Variants in LRRC4C observed in about 807,000 individuals in gnomAD.
LRRC4C encodes leucine-rich repeat-containing protein 4C.
LRRC4C carries 5 observed loss-of-function variants against 33.6 expected under a neutral mutation model. That is an observed-to-expected ratio of 0.15 (90% CI 0.08 to 0.31). The LOEUF is 0.31. LRRC4C is among the 10% of genes least tolerant of loss of function. The probability of loss-of-function intolerance (pLI) is 1.00; values close to 1 mark genes in which losing one functional copy is unlikely to be tolerated. For synonymous variants in LRRC4C, 329 were observed against 302.0 expected (o/e 1.09, Z -0.93); for missense variants, 560 against 796.7 (o/e 0.70, Z 3.58).
chr11:40,937,586 T>C (rs540177091), intron 1 of LRRC4C, among the ~76,000 whole-genome samples: 1 of 150,868 alleles, frequency 6.6e-6, no homozygotes, highest in South Asian at 2.1e-4. Context: ...TAATTCACTC[T>C]TCTTGAGTGT....
At chr11:40,615,243 T>TATATATATATATAG (rs1299982876) in intron 3 of LRRC4C, among the ~76,000 whole-genome samples, 1 of 77,588 alleles carries the variant, frequency 1.3e-5, no homozygotes, top group Non-Finnish European at 3.0e-5. Context: ...TTATTTTATA[T>TATATATATATATAG]ATATATATAT....
chr11:40,998,426 A>G (rs1014294198), intron 1 of LRRC4C, among the ~76,000 whole-genome samples: 3 of 152,134 alleles, frequency 2.0e-5, no homozygotes, highest in African/African-American at 7.2e-5. Flanking sequence ...AAAAAATCTC[A>G]GACTGTAAAA....
chr11:41,096,752 A>G (rs1940834067), intron 1 of LRRC4C, among the ~76,000 whole-genome samples: 2 of 152,130 alleles, frequency 1.3e-5, no homozygotes, highest in African/African-American at 2.4e-5. Flanking sequence ...GAGTGTTAGA[A>G]AGAGGTTGTA....
chr11:41,286,810 G>GCAAGGAGGAGGAGGA (rs1949843808), intron 1 of LRRC4C, among the ~76,000 whole-genome samples: 2 of 152,002 alleles, frequency 1.3e-5, no homozygotes, highest in Non-Finnish European at 2.9e-5. Flanking sequence ...GGAAGAGGAG[G>GCAAGGAGGAGGAGGA]CAAGGAGGAG....
rs1456422426 is a variant in LRRC4C at position 40,743,991 on chromosome 11, G to C, written c.-406-95713C>G. Among the ~76,000 whole-genome samples the C allele has an allele frequency of 3.3e-5, 5 of 152,140 alleles. No homozygotes were observed. The South Asian group carries it at 1.0e-3, about 32-fold the overall frequency. On this transcript the variant is annotated intron_variant, in intron 2 of 6. Coordinates refer to ENST00000528697, the MANE Select transcript of LRRC4C (RefSeq NM_001258419.2). ...TCTGTATAAAGCATCATTTTCTCAG[G>C]AAAGCCTGCACTAACCCCAAATCTC...
chr11:41,055,922 T>C (rs1038970523), intron 1 of LRRC4C, among the ~76,000 whole-genome samples: 2 of 152,122 alleles, frequency 1.3e-5, no homozygotes, highest in African/African-American at 4.8e-5. Context: ...AAAAATAAGG[T>C]TGAAGATTTT....
chr11:40,161,847 C>T (rs1329893544), intron 5 of LRRC4C, among the ~76,000 whole-genome samples: 1 of 152,154 alleles, frequency 6.6e-6, no homozygotes, highest in Non-Finnish European at 1.5e-5. Context: ...TTTACAGAAT[C>T]TAGGAGAATG....
intron 2 of LRRC4C, among the ~76,000 whole-genome samples, chr11:40,672,230 G>A (rs10837468): frequency 0.2 from 30,194 of 152,068 alleles, 3,549 homozygotes; most frequent in East Asian, 0.49. Context: ...CTCTCACTGT[G>A]TCCTCTCATG....
intron 3 of LRRC4C, among the ~76,000 whole-genome samples, chr11:40,431,610 C>T (rs976983300): frequency 6.6e-6 from 1 of 151,964 alleles, no homozygotes; most frequent in Admixed American, 6.6e-5. Flanking sequence ...TAAAAGTCCC[C>T]AAATATTAAA....
chr11:40,316,714 T>C (rs1007065720), intron 4 of LRRC4C, among the ~76,000 whole-genome samples: 12 of 152,130 alleles, frequency 7.9e-5, no homozygotes, highest in Middle Eastern at 3.4e-3. Context: ...ATTTATCATA[T>C]GCGTGACTGT....
chr11:41,097,050 T>C (rs916636606), intron 1 of LRRC4C, among the ~76,000 whole-genome samples: 3 of 152,274 alleles, frequency 2.0e-5, no homozygotes, highest in Admixed American at 6.5e-5. Flanking sequence ...CTGAAGCATA[T>C]TGCTTCTTTT....
chr11:40,843,836 G>T (rs1161884289), intron 2 of LRRC4C, among the ~76,000 whole-genome samples: 2 of 152,104 alleles, frequency 1.3e-5, no homozygotes, highest in Non-Finnish European at 2.9e-5. Flanking sequence ...GTCTTCATAT[G>T]GTTCAAAATA....
At chr11:41,107,317 G>A (rs1941565113) in intron 1 of LRRC4C, among the ~76,000 whole-genome samples, 1 of 151,906 alleles carries the variant, frequency 6.6e-6, no homozygotes, top group African/African-American at 2.4e-5. Context: ...GAAGAGTTTT[G>A]CTATTGATCT....
At chr11:40,544,260 G>A (rs1009012664) in intron 3 of LRRC4C, among the ~76,000 whole-genome samples, 1 of 152,022 alleles carries the variant, frequency 6.6e-6, no homozygotes, top group African/African-American at 2.4e-5. Flanking sequence ...TGCCTAGTCA[G>A]TATTTTCTGC....
intron 1 of LRRC4C, among the ~76,000 whole-genome samples, chr11:41,369,167 T>C (rs2137759448): frequency 6.6e-6 from 1 of 152,272 alleles, no homozygotes; most frequent in Middle Eastern, 3.4e-3. Flanking sequence ...ATAGAATTTG[T>C]GTGATGGTGA....
intron 1 of LRRC4C, chr11:41,122,973 G>A (rs998207916): frequency 5.9e-5 from 9 of 152,022 alleles, no homozygotes; most frequent in South Asian, 4.1e-4. Context: ...AGTCTTCTCC[G>A]TATTGTTCCA....
chr11:40,208,951 G>GTGTT (rs1863370299), intron 5 of LRRC4C, among the ~76,000 whole-genome samples: 1 of 148,348 alleles, frequency 6.7e-6, no homozygotes, highest in African/African-American at 2.6e-5. Context: ...TTGTGCACGT[G>GTGTT]TGTGTGTGTG....
intron 1 of LRRC4C, among the ~76,000 whole-genome samples, chr11:41,281,078 C>CTCTCTCTCTCTT (rs1491428513): frequency 1.2e-5 from 1 of 83,120 alleles, no homozygotes; most frequent in African/African-American, 5.4e-5. Flanking sequence ...CTCTCTCTGT[C>CTCTCTCTCTCTT]CTCTCTCTCT....
chr11:41,006,863 G>A (rs1854790832), intron 1 of LRRC4C, among the ~76,000 whole-genome samples: 1 of 152,024 alleles, frequency 6.6e-6, no homozygotes, highest in South Asian at 2.1e-4. Flanking sequence ...ATCCAGAATA[G>A]TGTTTTTATA....
Sources: allele counts gnomAD v4.1 joint callset (sites outside exome capture counted in the v4.1 genomes callset), GRCh38; gene constraint gnomAD v4.1.1; transcripts MANE v1.5; gene names NCBI Gene and HGNC (gene_info 2026-07-23, HGNC 2026-07-21).